KRTAP4-4: variants seen among roughly 807,000 people sequenced by gnomAD.
KRTAP4-4 encodes the protein keratin associated protein 4-4.
For synonymous variants in KRTAP4-4, 88 were observed against 76.4 expected, an observed-to-expected ratio of 1.15 and a Z score of -0.79; for missense variants, 186 against 206.9, an observed-to-expected ratio of 0.90 and a Z score of 0.62.
rs766788624 is a variant in KRTAP4-4 at position 41,160,620 on chromosome 17, G to A, written c.72C>T (p.Ser24=). 8 of 1,613,992 alleles carry A rather than the reference G, an allele frequency of 5.0e-6. No individual in the cohort carries two copies. The highest frequency in any genetic ancestry group is 5.9e-6 in the Non-Finnish European group (7 of 1,179,986). ...TCCTGCAGCAGGTGGTCTGGCAGTA[G>A]CTGGGACGGCAGCAGTTCTCTAGGC... ...GCGLENCCRP[S]YCQTTCCRTT... is the part of the protein sequence containing the mutation. The change falls in exon 1 of 1, where the codon AGC becomes AGT. Residue 24 remains serine, a synonymous_variant. Transcript: ENST00000390661.
Position 41,159,945 on chromosome 17 carries a change from TG to T in KRTAP4-4, c.*245del. 1.6e-6 allele frequency: 1 copy of T among 640,200 alleles called. No homozygotes were observed. The highest frequency in any genetic ancestry group is 2.8e-6 in the Non-Finnish European group (1 of 361,906). The allele number at this position is 640,200 out of a possible 1,614,324, so 39.7% of individuals were successfully genotyped here. On this transcript the variant is annotated 3_prime_UTR_variant, in exon 1 of 1. Transcript: ENST00000390661. ...TCAAGAATGCTGGTTGATGAGAATC[TG>T]GTGAGTCCAGATGACAGCCTCAGCA...
rs1206956296 is a variant in KRTAP4-4, at chr17:41,160,186, A to T, written c.*5T>A. 2 of 1,594,270 alleles carry T rather than the reference A, an allele frequency of 1.3e-6. No individual in the cohort carries two copies. Among genetic ancestry groups the T allele is most frequent in the Non-Finnish European group, 8.5e-7 (1 of 1,171,854 alleles). On this transcript the variant is annotated 3_prime_UTR_variant, in exon 1 of 1. Coordinates refer to ENST00000390661, the MANE Select transcript of KRTAP4-4 (RefSeq NM_032524.2). Reference sequence around the variant, plus strand: ...CCTGTAGCAGGTGGTTTGCCAGCAGATGGGCTAGCAGCATAGAGACTGGCC... The same window carrying T: ...CCTGTAGCAGGTGGTTTGCCAGCAGTTGGGCTAGCAGCATAGAGACTGGCC...
rs1353651973 is a variant in KRTAP4-4 at position 41,160,748 on chromosome 17, T to G, written c.-57A>C. 1 of 1,569,556 alleles carries G rather than the reference T, an allele frequency of 6.4e-7. No individual in the cohort carries two copies. The highest frequency in any genetic ancestry group is 8.6e-7 in the Non-Finnish European group (1 of 1,156,862). On this transcript the variant is annotated 5_prime_UTR_variant, in exon 1 of 1. Transcript: ENST00000390661. ...TCCAGGAAGGAGGGTTTGGAAGGCTTGGAAGTCTCCTTGCCCCAGATCCTC... is the reference window on the plus strand; with the variant it reads ...TCCAGGAAGGAGGGTTTGGAAGGCTGGGAAGTCTCCTTGCCCCAGATCCTC...
In KRTAP4-4 at chr17:41,160,629, G is replaced by A. The variant is rs746661404; in HGVS notation, c.63C>T (p.Cys21=). Residue 21 remains cysteine, a synonymous_variant, in exon 1 of 1, where the codon TGC becomes TGT. Coordinates refer to ENST00000390661, the MANE Select transcript of KRTAP4-4 (RefSeq NM_032524.2). Reference sequence around the variant, plus strand: ...AGGTGGTCTGGCAGTAGCTGGGACGGCAGCAGTTCTCTAGGCCACAGCCCT... The same window carrying A: ...AGGTGGTCTGGCAGTAGCTGGGACGACAGCAGTTCTCTAGGCCACAGCCCT... The part of the protein sequence containing the change: ...SDQGCGLENC[C]RPSYCQTTCC... 4.0e-5 allele frequency: 65 copies of A among 1,613,974 alleles called. No homozygotes were observed. Among genetic ancestry groups the A allele is most frequent in the Non-Finnish European group, 5.3e-5 (63 of 1,180,012 alleles).
In KRTAP4-4 at chr17:41,159,883, A is replaced by G. The variant is rs1013944947; in HGVS notation, c.*308T>C. ...AATTGGTTGGAACTGAAGTTTTCCA[A>G]CTAGCTTCCCATAACTCAGCTCATA... On this transcript the variant is annotated 3_prime_UTR_variant, in exon 1 of 1. Transcript: ENST00000390661. 6.0e-6 allele frequency: 3 copies of G among 503,986 alleles called. No individual in the cohort carries two copies. Among genetic ancestry groups the G allele is most frequent in the African/African-American group, 3.8e-5 (2 of 52,132 alleles). 31.2% of individuals were successfully genotyped at this position (503,986 alleles called of 1,614,324 possible).
In KRTAP4-4 at chr17:41,160,077, G is replaced by C. The variant is rs564377933; in HGVS notation, c.*114C>G. 3 of 1,503,872 alleles carry C rather than the reference G, an allele frequency of 2.0e-6. No homozygotes were observed. Among genetic ancestry groups the C allele is most frequent in the South Asian group, 2.5e-5 (2 of 78,708 alleles). 93.2% of individuals were successfully genotyped at this position (1,503,872 alleles called of 1,614,324 possible). On this transcript the variant is annotated 3_prime_UTR_variant, in exon 1 of 1. Coordinates refer to ENST00000390661, the MANE Select transcript of KRTAP4-4 (RefSeq NM_032524.2). ...AGAGCCTGCAGCAGCTGAAGCCACA[G>C]CAGGAGGAGCTACTGCTGCTAGAGA...
rs534376494 is a variant in KRTAP4-4 at position 41,160,677 on chromosome 17, A to G, written c.15T>C (p.Cys5=). ...CCTGGTCAGAGCACACAGAGCCACA[A>G]CAGGAGTTGACCATGGTGTCAGAGG... MVNS[C]CGSVCSDQGC... Residue 5 remains cysteine, a synonymous_variant, in exon 1 of 1, where the codon TGT becomes TGC. Coordinates refer to ENST00000390661, the MANE Select transcript of KRTAP4-4 (RefSeq NM_032524.2). 1.0e-4 allele frequency: 163 copies of G among 1,610,222 alleles called. 2 individuals carry two copies. In the South Asian group the frequency reaches 1.7e-3, roughly 17 times the overall value.
At position 41,160,041 on chromosome 17, in the gene KRTAP4-4, G is replaced by A; in HGVS notation, c.*150C>T. ...AGCAGTTGGGGCGGCAGCAACTGGA[G>A]ATGCAGCAGGAGAGCCTGCAGCAGC... is the stretch of plus-strand genomic sequence containing the variant. On this transcript the variant is annotated 3_prime_UTR_variant, in exon 1 of 1. Transcript: ENST00000390661. 8.2e-6 allele frequency: 10 copies of A among 1,218,258 alleles called. No individual in the cohort carries two copies. Among genetic ancestry groups the A allele is most frequent in the Non-Finnish European group, 8.1e-6 (7 of 868,886 alleles). The allele number at this position is 1,218,258 out of a possible 1,614,324, so 75.5% of individuals were successfully genotyped here. A position where few individuals can be genotyped will look rare whatever the true frequency, so the allele number is the denominator to read the frequency against.
Position 41,160,078 on chromosome 17 carries a change from CAGG to C in KRTAP4-4, c.*110_*112del. On this transcript the variant is annotated 3_prime_UTR_variant, in exon 1 of 1. Coordinates refer to ENST00000390661, the MANE Select transcript of KRTAP4-4 (RefSeq NM_032524.2). ...GAGCCTGCAGCAGCTGAAGCCACAG[CAGG>C]AGGAGCTACTGCTGCTAGAGATACT... is the stretch of plus-strand genomic sequence containing the variant. The C allele has an allele frequency of 6.6e-7, 1 of 1,506,870 alleles. No individual in the cohort carries two copies. The highest frequency in any genetic ancestry group is 2.2e-4 in the Middle Eastern group (1 of 4,528). 93.3% of individuals were successfully genotyped at this position (1,506,870 alleles called of 1,614,324 possible).
Position 41,160,560 on chromosome 17 carries a change from G to C in KRTAP4-4, c.132C>G (p.Ser44Arg). ...TCCRPSCCVS[S>R]CCRPQCCQTT... is the part of the protein sequence containing the mutation. Reference sequence around the variant, plus strand: ...TCTGGCAGCACTGGGGTCTGCAGCAGCTGGACACACAGCAGCTGGGGCGGC... The same window carrying C: ...TCTGGCAGCACTGGGGTCTGCAGCACCTGGACACACAGCAGCTGGGGCGGC... The change falls in exon 1 of 1, where the codon AGC becomes AGG. Residue 44 changes from serine to arginine, a missense_variant. Transcript: ENST00000390661. The C allele has an allele frequency of 1.2e-6, 2 of 1,609,644 alleles. No homozygotes were observed. The highest frequency in any genetic ancestry group is 2.2e-5 in the South Asian group (2 of 90,632).
chr17:41,160,200 T>C lies in KRTAP4-4; in HGVS notation c.492A>G (p.Leu164=). The change falls in exon 1 of 1, where the codon CTA becomes CTG. Residue 164 remains leucine, a synonymous_variant. Transcript: ENST00000390661. ...RCYRPHCGQS[L]CC ...TTTGCCAGCAGATGGGCTAGCAGCA[T>C]AGAGACTGGCCACAATGGGGCCTGT... is the stretch of plus-strand genomic sequence containing the variant. 1 of 1,596,378 alleles carries C rather than the reference T, an allele frequency of 6.3e-7. No individual in the cohort carries two copies. Among genetic ancestry groups the C allele is most frequent in the Non-Finnish European group, 8.5e-7 (1 of 1,172,712 alleles).
In KRTAP4-4 at chr17:41,160,473, G is replaced by C. The variant is rs2014955203; in HGVS notation, c.219C>G (p.Pro73=). 14 of 1,612,174 alleles carry C rather than the reference G, an allele frequency of 8.7e-6. No individual in the cohort carries two copies. The highest frequency in any genetic ancestry group is 1.2e-5 in the Non-Finnish European group (14 of 1,179,582). The change falls in exon 1 of 1, where the codon CCC becomes CCG. Residue 73 remains proline (P), a synonymous_variant. Transcript: ENST00000390661. ...GGCAGCACACAGACTGGCAGCACTG[G>C]GGTCTGCAGCAGCTGGACACACAGC... ...PSCCVSSCCR[P]QCCQSVCCQP...
rs1297546834 is a variant in KRTAP4-4, at chr17:41,159,924, G to C, written c.*267C>G. 8.2e-6 allele frequency: 5 copies of C among 609,368 alleles called. No homozygotes were observed. The highest frequency in any genetic ancestry group is 1.9e-5 in the African/African-American group (1 of 53,908). The allele number at this position is 609,368 out of a possible 1,614,324, so 37.7% of individuals were successfully genotyped here. On this transcript the variant is annotated 3_prime_UTR_variant, in exon 1 of 1. Coordinates refer to ENST00000390661, the MANE Select transcript of KRTAP4-4 (RefSeq NM_032524.2). ...TCAGCTCATAGATGAGCTACATCAAGAATGCTGGTTGATGAGAATCTGGTG... is the reference window on the plus strand; with the variant it reads ...TCAGCTCATAGATGAGCTACATCAACAATGCTGGTTGATGAGAATCTGGTG...
In KRTAP4-4 at chr17:41,160,745, G is replaced by C. The variant is rs975704850; in HGVS notation, c.-54C>G. On this transcript the variant is annotated 5_prime_UTR_variant, in exon 1 of 1. Coordinates refer to ENST00000390661, the MANE Select transcript of KRTAP4-4 (RefSeq NM_032524.2). ...GTTTCCAGGAAGGAGGGTTTGGAAG[G>C]CTTGGAAGTCTCCTTGCCCCAGATC... The C allele has an allele frequency of 7.0e-6, 11 of 1,570,806 alleles. 1 individual carries two copies. The highest frequency in any genetic ancestry group is 6.7e-5 in the East Asian group (3 of 44,562).
At position 41,160,675 on chromosome 17, in the gene KRTAP4-4, C is replaced by A. The variant is rs760910401; in HGVS notation, c.17G>T (p.Cys6Phe). MVNSCCGSVCSDQGCG... is the reference protein window; with the variant it reads MVNSCFGSVCSDQGCG... ...GCCCTGGTCAGAGCACACAGAGCCA[C>A]AACAGGAGTTGACCATGGTGTCAGA... Residue 6 changes from cysteine (C) to phenylalanine (F), a missense_variant, in exon 1 of 1, where the codon TGT becomes TTT. Transcript: ENST00000390661. 6 of 1,610,866 alleles carry A rather than the reference C, an allele frequency of 3.7e-6. No individual in the cohort carries two copies. Among genetic ancestry groups the A allele is most frequent in the Non-Finnish European group, 5.1e-6 (6 of 1,177,808 alleles).
At position 41,160,358 on chromosome 17, in the gene KRTAP4-4, G is replaced by C. The variant is rs2014952288; in HGVS notation, c.334C>G (p.Gln112Glu). 6.2e-7 allele frequency: 1 copy of C among 1,611,130 alleles called. No individual in the cohort carries two copies. The highest frequency in any genetic ancestry group is 1.1e-5 in the South Asian group (1 of 90,946). ...RPSCCRPQCC[Q>E]SVCCQPTCCC... ...CAGGTGGGCTGGCAGCACACAGACTGGCAGCACTGGGGCCTGCAGCAGCTG... is the reference window on the plus strand; with the variant it reads ...CAGGTGGGCTGGCAGCACACAGACTCGCAGCACTGGGGCCTGCAGCAGCTG... Residue 112 changes from glutamine to glutamate, a missense_variant, in exon 1 of 1, where the codon CAG becomes GAG. Transcript: ENST00000390661.
Position 41,160,150 on chromosome 17 carries a change from C to G in KRTAP4-4, c.*41G>C, listed in dbSNP as rs1455977692. On this transcript the variant is annotated 3_prime_UTR_variant, in exon 1 of 1. Coordinates refer to ENST00000390661, the MANE Select transcript of KRTAP4-4 (RefSeq NM_032524.2). ...GCTGGAAATGCAATAGCTGGGGTGG[C>G]AGCAGGTGGTCCTGTAGCAGGTGGT... 1 of 1,604,220 alleles carries G rather than the reference C, an allele frequency of 6.2e-7. No homozygotes were observed. Among genetic ancestry groups the G allele is most frequent in the Non-Finnish European group, 8.5e-7 (1 of 1,174,456 alleles).
Position 41,160,215 on chromosome 17 carries a change from A to C in KRTAP4-4, c.477T>G (p.His159Gln), listed in dbSNP as rs777897084. 6.2e-7 allele frequency: 1 copy of C among 1,609,428 alleles called. No homozygotes were observed. The highest frequency in any genetic ancestry group is 8.5e-7 in the Non-Finnish European group (1 of 1,178,722). The change falls in exon 1 of 1, where the codon CAT (histidine) becomes CAG (glutamine). Residue 159 changes from histidine (H) to glutamine (Q), a missense_variant. His to Gln is a conservative substitution (Grantham distance 24). Coordinates refer to ENST00000390661, the MANE Select transcript of KRTAP4-4 (RefSeq NM_032524.2). ...SCCVSRCYRP[H>Q]CGQSLCC ...GCTAGCAGCATAGAGACTGGCCACA[A>C]TGGGGCCTGTAGCACCTGGACACAC...
Position 41,160,308 on chromosome 17 carries a change from G to A in KRTAP4-4, c.384C>T (p.Ser128=). 6.2e-7 allele frequency: 1 copy of A among 1,611,898 alleles called. No individual in the cohort carries two copies. The highest frequency in any genetic ancestry group is 8.5e-7 in the Non-Finnish European group (1 of 1,179,280). Reference sequence around the variant, plus strand: ...GGCAGCACTGGGGTCTGCAGCAGCTGGACACACAGTAGCTGGGGCAGCAGC... The same window carrying A: ...GGCAGCACTGGGGTCTGCAGCAGCTAGACACACAGTAGCTGGGGCAGCAGC... ...PTCCCPSYCV[S]SCCRPQCCQT... The change falls in exon 1 of 1, where the codon TCC becomes TCT. Residue 128 remains serine (S), a synonymous_variant. Coordinates refer to ENST00000390661, the MANE Select transcript of KRTAP4-4 (RefSeq NM_032524.2).
Sources: gnomAD v4.1 joint callset for allele counts on GRCh38, gnomAD v4.1.1 for gene constraint, MANE v1.5 for transcripts, NCBI Gene and HGNC (gene_info 2026-07-23, HGNC 2026-07-21) for gene names.